GTF2IRD1: variants seen among roughly 807,000 people sequenced by gnomAD.
The protein encoded by GTF2IRD1 is GTF2I repeat domain containing 1.
GTF2IRD1 carries 26 observed loss-of-function variants against 113.2 expected under a neutral mutation model. That is an observed-to-expected ratio of 0.23 (90% confidence interval 0.17 to 0.32). The LOEUF is 0.32. Among genes scored for constraint, GTF2IRD1 ranks in the 10% least tolerant of loss-of-function variants. GTF2IRD1 has a pLI of 1.00. For synonymous variants in GTF2IRD1, 484 were observed against 529.1 expected (o/e 0.91, Z 1.17); for missense variants, 864 against 1,280.8 (o/e 0.67, Z 4.97).
chr7:74,481,280 G>A (rs907777353), intron 1 of GTF2IRD1, among the ~76,000 whole-genome samples: 10 of 152,138 alleles, frequency 6.6e-5, no homozygotes, highest in Non-Finnish European at 1.3e-4. Flanking sequence ...TCAGCTTTCT[G>A]AGTAGCTGTG....
intron 20 of GTF2IRD1, among the ~76,000 whole-genome samples, chr7:74,558,448 C>T (rs1378926082): frequency 7.4e-6 from 1 of 134,458 alleles, no homozygotes; most frequent in Non-Finnish European, 1.6e-5. Context: ...CAGCCTCAAA[C>T]TCCTGGGCTC....
chr7:74,581,972 G>A (rs1179846408), intron 22 of GTF2IRD1, among the ~76,000 whole-genome samples: 5 of 152,040 alleles, frequency 3.3e-5, no homozygotes, highest in South Asian at 2.1e-4. Context: ...GCTCCACTGC[G>A]CTCCAGCCTG....
chr7:74,500,502 T>C (rs535879419), intron 1 of GTF2IRD1, among the ~76,000 whole-genome samples: 3 of 152,084 alleles, frequency 2.0e-5, no homozygotes, highest in Middle Eastern at 3.4e-3. Context: ...GTTTTTTTGG[T>C]TCAACCCCAA....
At chr7:74,493,072 A>G (rs1263888400) in intron 1 of GTF2IRD1, among the ~76,000 whole-genome samples, 4 of 150,814 alleles carry the variant, frequency 2.7e-5, no homozygotes, top group Non-Finnish European at 5.9e-5. Context: ...GATTACAGGA[A>G]TGAGCCACTG....
intron 1 of GTF2IRD1, among the ~76,000 whole-genome samples, chr7:74,497,307 A>C (rs546486918): frequency 6.6e-6 from 1 of 152,288 alleles, no homozygotes; most frequent in South Asian, 2.1e-4. Flanking sequence ...AAGAGCGGAA[A>C]CGTGGAGTGC....
Position 74,508,001 on chromosome 7 carries a change from T to C in GTF2IRD1, c.-6-74T>C, listed in dbSNP as rs2074661. 54,859 of 1,504,628 alleles carry C rather than the reference T, an allele frequency of 0.036. 7,458 individuals carry two copies. In the East Asian group the frequency reaches 0.41, roughly 11 times the overall value. The allele number at this position is 1,504,628 out of a possible 1,614,324, so 93.2% of individuals were successfully genotyped here. A position where few individuals can be genotyped will look rare whatever the true frequency, so the allele number is the denominator to read the frequency against. ...TTGGGAGTCCGGGGGTCAGGTGGAT[T>C]GGGGTGGGCAGCCACCATATGAGAC... is the stretch of plus-strand genomic sequence containing the variant. On this transcript the variant is annotated intron_variant, in intron 1 of 26. Transcript: ENST00000424337.
At chr7:74,569,737 C>T (rs1351632130) in intron 22 of GTF2IRD1, among the ~76,000 whole-genome samples, 2 of 152,086 alleles carry the variant, frequency 1.3e-5, no homozygotes, top group Non-Finnish European at 2.9e-5. Context: ...CTGGGCCCCA[C>T]GATGGATGGG....
chr7:74,557,161 G>C (rs1206505535), intron 19 of GTF2IRD1, among the ~76,000 whole-genome samples: 1 of 152,162 alleles, frequency 6.6e-6, no homozygotes, highest in African/African-American at 2.4e-5. Flanking sequence ...CAGGAGAATC[G>C]CCTGAGCCTG....
At chr7:74,547,880 G>A (rs782340523) in intron 17 of GTF2IRD1, among the ~76,000 whole-genome samples, 17 of 151,520 alleles carry the variant, frequency 1.1e-4, no homozygotes, top group African/African-American at 4.1e-4. Flanking sequence ...CGCAGTCTCA[G>A]GAGAGCAGTG....
intron 1 of GTF2IRD1, among the ~76,000 whole-genome samples, chr7:74,503,806 C>A (rs1554340198): frequency 6.6e-6 from 1 of 152,108 alleles, no homozygotes; most frequent in Non-Finnish European, 1.5e-5. Flanking sequence ...AGGTTTGTTA[C>A]AAAGGTATAT....
At chr7:74,500,388 G>A (rs1795966164) in intron 1 of GTF2IRD1, among the ~76,000 whole-genome samples, 1 of 150,984 alleles carries the variant, frequency 6.6e-6, no homozygotes, top group South Asian at 2.1e-4. Context: ...TTTGAGACCA[G>A]CCTGGGAAAC....
chr7:74,590,806 G>T lies in GTF2IRD1; in HGVS notation c.2399-19G>T. On this transcript the variant is annotated intron_variant, in intron 23 of 26. Transcript: ENST00000424337. ...GACAGGAGACATCTTTCCTCACTGT[G>T]ACTTCCTGTGCCCTCTAGGTGAGGC... is the stretch of plus-strand genomic sequence containing the variant. 1 of 1,548,008 alleles carries T rather than the reference G, an allele frequency of 6.5e-7. No homozygotes were observed. The highest frequency in any genetic ancestry group is 8.8e-7 in the Non-Finnish European group (1 of 1,137,360).
intron 1 of GTF2IRD1, among the ~76,000 whole-genome samples, chr7:74,454,413 A>G (rs1483213882): frequency 6.6e-6 from 1 of 150,582 alleles, no homozygotes; most frequent in Non-Finnish European, 1.5e-5. Flanking sequence ...AGGGGCCGGG[A>G]GCTGGGAGCT....
chr7:74,571,106 T>C, intron 22 of GTF2IRD1: 1 of 985,290 alleles, frequency 1.0e-6, no homozygotes, highest in Non-Finnish European at 1.2e-6. Context: ...GCCCCACCTC[T>C]CCTTCCCCAG....
chr7:74,589,984 G>A, intron 23 of GTF2IRD1, 56 bp downstream of exon 23: 1 of 1,164,636 alleles, frequency 8.6e-7, no homozygotes, highest in Non-Finnish European at 1.3e-6. Flanking sequence ...GGGTGGTGGG[G>A]GGCCTCCCTC....
intron 24 of GTF2IRD1, among the ~76,000 whole-genome samples, chr7:74,593,190 G>T (rs587667666): frequency 6.6e-6 from 1 of 151,342 alleles, no homozygotes; most frequent in Admixed American, 6.6e-5. Flanking sequence ...TAATATTTGC[G>T]TGTGTCAAAA....
intron 1 of GTF2IRD1, among the ~76,000 whole-genome samples, chr7:74,492,472 G>A (rs556073120): frequency 3.0e-4 from 46 of 151,994 alleles, no homozygotes. Context: ...GCCTGGCCCA[G>A]CATCTGTCAT....
chr7:74,481,215 C>T (rs911517198), intron 1 of GTF2IRD1, among the ~76,000 whole-genome samples: 4 of 152,138 alleles, frequency 2.6e-5, no homozygotes, highest in East Asian at 3.8e-4. Flanking sequence ...AGTGCAGTGG[C>T]GCAATCCCAG....
chr7:74,597,556 G>A (rs587743673), intron 25 of GTF2IRD1, among the ~76,000 whole-genome samples: 139 of 150,892 alleles, frequency 9.2e-4, no homozygotes, highest in Admixed American at 1.7e-3. Flanking sequence ...CATGTTGGCC[G>A]GGCTGGTCTC....
Sources: gnomAD v4.1 joint callset for allele counts (sites outside exome capture counted in the v4.1 genomes callset) on GRCh38, gnomAD v4.1.1 for gene constraint, MANE v1.5 for transcripts, NCBI Gene and HGNC (gene_info 2026-07-23, HGNC 2026-07-21) for gene names.